The following HYI variants were observed in gnomAD, a reference collection of about 807,000 sequenced individuals.
HYI encodes putative hydroxypyruvate isomerase.
Under a neutral mutation model 39.7 loss-of-function variants are expected in HYI, and 47 were observed. The observed-to-expected ratio is 1.18, with a 90% CI of 0.94 to 1.51. The LOEUF (loss-of-function observed/expected upper bound fraction) is 1.51, where lower values mean the gene tolerates loss of function less well. Among genes scored for constraint, HYI ranks in the 40% most tolerant of loss-of-function variants. The pLI is 0.00. For missense variants in HYI, 465 were observed against 370.3 expected, an observed-to-expected ratio of 1.26 and a Z score of -2.10; for synonymous variants, 186 against 158.8, an observed-to-expected ratio of 1.17 and a Z score of -1.29.
rs1656421612 is a variant in HYI, at chr1:43,451,548, G to A, written c.626-4C>T. ...ACCTGTGCCACCTGCACATGCCCTG[G>A]GGACAGATGTGGACAAATGTGGGGT... is the stretch of plus-strand genomic sequence containing the variant. On this transcript the variant is annotated splice_region_variant and splice_polypyrimidine_tract_variant and intron_variant, in intron 6 of 7. Coordinates refer to ENST00000372430, the MANE Select transcript of HYI (RefSeq NM_001190880.3). 1 of 1,613,848 alleles carries A rather than the reference G, an allele frequency of 6.2e-7. No homozygotes were observed. Among genetic ancestry groups the A allele is most frequent in the Admixed American group, 1.7e-5 (1 of 60,014 alleles).
chr1:43,453,146 C>T, intron 2 of HYI: 1 of 674,240 alleles, frequency 1.5e-6, no homozygotes, highest in Admixed American at 2.2e-5. Flanking sequence ...TCCTATCTGC[C>T]TAGGCAGACT....
rs934006314 is a variant in HYI, at chr1:43,453,524, C to G, written c.200-27G>C. 3.3e-6 allele frequency: 5 copies of G among 1,533,066 alleles called. No homozygotes were observed. The Admixed American group carries it at 6.0e-5, about 18-fold the overall frequency. 95.0% of individuals were successfully genotyped at this position (1,533,066 alleles called of 1,614,324 possible). ...TGCAGAGAGAACGGGCCTCAGCCCCCGGCTCGGACACTCCCCTGCCCGCGC... is the reference window on the plus strand; with the variant it reads ...TGCAGAGAGAACGGGCCTCAGCCCCGGGCTCGGACACTCCCCTGCCCGCGC... On this transcript the variant is annotated intron_variant, in intron 1 of 7. Coordinates refer to ENST00000372430, the MANE Select transcript of HYI (RefSeq NM_001190880.3).
rs1553158727 is a variant in HYI at position 43,453,834 on chromosome 1, A to AGGCAGCG, written c.-42_-41insCGCTGCC. The AGGCAGCG allele has an allele frequency of 1.7e-6, 2 of 1,194,100 alleles. No homozygotes were observed. Among genetic ancestry groups the AGGCAGCG allele is most frequent in the African/African-American group, 3.2e-5 (2 of 61,862 alleles). The allele number at this position is 1,194,100 out of a possible 1,614,324, so 74.0% of individuals were successfully genotyped here. On this transcript the variant is annotated 5_prime_UTR_variant, in exon 1 of 8. Coordinates refer to ENST00000372430, the MANE Select transcript of HYI (RefSeq NM_001190880.3). Reference sequence around the variant, plus strand: ...GCCGGGCGGAGTCCGCGGGATCCAAAGGCGGCGGGCGGCGGGCGGCGGGCG... The same window carrying AGGCAGCG: ...GCCGGGCGGAGTCCGCGGGATCCAAAGGCAGCGGGCGGCGGGCGGCGGGCGGCGGGCG...
rs1301812579 is a variant in HYI at position 43,451,980 on chromosome 1, T to C, written c.460A>G (p.Thr154Ala). 1 of 1,610,916 alleles carries C rather than the reference T, an allele frequency of 6.2e-7. No homozygotes were observed. The highest frequency in any genetic ancestry group is 8.5e-7 in the Non-Finnish European group (1 of 1,178,012). The change falls in exon 4 of 8, where the codon ACC (threonine) becomes GCC (alanine). Residue 154 changes from threonine (T) to alanine (A), a missense_variant. Thr to Ala is a moderately conservative substitution (Grantham distance 58). Transcript: ENST00000372430. ...AAGTACTGGGGGTCAGTGATGCGGG[T>C]GTTGATGGGCTCCAGCAGTCCCACG... ...DLVGLLEPINTRITDPQYFLD... is the reference protein window; with the variant it reads ...DLVGLLEPINARITDPQYFLD...
chr1:43,453,434 T>A lies in HYI; in HGVS notation c.263A>T (p.Glu88Val), dbSNP rs1212578801. The A allele has an allele frequency of 3.2e-6, 5 of 1,562,708 alleles. No homozygotes were observed. The highest frequency in any genetic ancestry group is 3.5e-6 in the Non-Finnish European group (4 of 1,152,624). Residue 88 changes from glutamate to valine, a missense_variant, in exon 2 of 8, where the codon GAG becomes GTG. Coordinates refer to ENST00000372430, the MANE Select transcript of HYI (RefSeq NM_001190880.3). The part of the protein sequence containing the change: ...AVPGRQAAFR[E>V]GLEQAVRYAK... ...ATACCGCACGGCCTGCTCCAGTCCC[T>A]CTCGGAAGGCCGCCTGTCTCCCGGG...
chr1:43,450,868 C>T (rs2153937539), downstream of HYI: 1 of 722,976 alleles, frequency 1.4e-6, no homozygotes, highest in Non-Finnish European at 2.6e-6. This position sits in a 1 kb window ranked among gnomAD's most constrained non-coding sequence, Gnocchi z 4.3. Context: ...ACCTGTGTCC[C>T]TTGAGCCTTC....
chr1:43,451,644 T>C lies in HYI; in HGVS notation c.625+4A>G, dbSNP rs370424674. On this transcript the variant is annotated splice_donor_region_variant and intron_variant, in intron 6 of 7. Transcript: ENST00000372430. ...GGTGGGAGGGCAAAGGAAGGTCCTC[T>C]CACCAACAATGGGCAGGAACTCCCG... 8.1e-6 allele frequency: 13 copies of C among 1,613,962 alleles called. No individual in the cohort carries two copies. The highest frequency in any genetic ancestry group is 1.7e-5 in the Admixed American group (1 of 60,006).
chr1:43,450,795 G>A (rs1360633818), downstream of HYI: 2 of 708,096 alleles, frequency 2.8e-6, no homozygotes, highest in Non-Finnish European at 2.6e-6. The surrounding 1 kb of genome is among the most constrained non-coding windows in gnomAD (Gnocchi z 4.3). Context: ...ACACAGGGTG[G>A]CAAACACCCC....
intron 2 of HYI, chr1:43,452,775 T>C: frequency 1.1e-6 from 1 of 946,612 alleles, no homozygotes; most frequent in Non-Finnish European, 1.6e-6. Context: ...CTGTTTGGCC[T>C]CTGCAGGATT....
In HYI at chr1:43,453,734, G is replaced by A; in HGVS notation, c.60C>T (p.Leu20=). Reference sequence around the variant, plus strand: ...TGCCCGCGGCCCGCACCCGCGCGGGGAGGCCGGAGAGCTCGGGGAATAGCC... The same window carrying A: ...TGCCCGCGGCCCGCACCCGCGCGGGAAGGCCGGAGAGCTCGGGGAATAGCC... The part of the protein sequence containing the change: ...LSWLFPELSG[L]PARVRAAGSS... The change falls in exon 1 of 8, where the codon CTC becomes CTT. Residue 20 remains leucine, a synonymous_variant. Coordinates refer to ENST00000372430, the MANE Select transcript of HYI (RefSeq NM_001190880.3). The A allele has an allele frequency of 7.2e-7, 1 of 1,387,486 alleles. No individual in the cohort carries two copies. The highest frequency in any genetic ancestry group is 9.2e-7 in the Non-Finnish European group (1 of 1,082,462). 85.9% of individuals were successfully genotyped at this position (1,387,486 alleles called of 1,614,324 possible).
At chr1:43,453,082 C>A in intron 2 of HYI, 8 of 852,812 alleles carry the variant, frequency 9.4e-6, no homozygotes, top group Non-Finnish European at 1.4e-5. Context: ...ACCCTGCTCC[C>A]ACAGCTTCCT....
In HYI at chr1:43,453,795, C is replaced by T. The variant is rs1408388433; in HGVS notation, c.-2G>A. ...GGCGGAGAAGCGCAGCGGCGCCATG[C>T]CTGGGGAGGCCGGGCCGGGCGGAGT... On this transcript the variant is annotated 5_prime_UTR_variant, in exon 1 of 8. Transcript: ENST00000372430. 1 of 1,266,454 alleles carries T rather than the reference C, an allele frequency of 7.9e-7. No homozygotes were observed. The highest frequency in any genetic ancestry group is 9.9e-7 in the Non-Finnish European group (1 of 1,009,022). 78.5% of individuals were successfully genotyped at this position (1,266,454 alleles called of 1,614,324 possible). A position where few individuals can be genotyped will look rare whatever the true frequency, so the allele number is the denominator to read the frequency against.
Position 43,451,650 on chromosome 1 carries a change from A to T in HYI, c.623T>A (p.Val208Asp), listed in dbSNP as rs746943963. The T allele has an allele frequency of 3.7e-6, 6 of 1,614,070 alleles. No individual in the cohort carries two copies. In the African/African-American group the frequency reaches 6.7e-5, roughly 18 times the overall value. ...TGNIREFLPI[V>D]GHVQVAQVPG... ...AGGGCAAAGGAAGGTCCTCTCACCAACAATGGGCAGGAACTCCCGGATGTT... is the reference window on the plus strand; with the variant it reads ...AGGGCAAAGGAAGGTCCTCTCACCATCAATGGGCAGGAACTCCCGGATGTT... The change falls in exon 6 of 8, where the codon GTT becomes GAT. Residue 208 changes from valine (V) to aspartate (D), a missense_variant and splice_region_variant. By Grantham distance (152) the Val-to-Asp change is radical. Transcript: ENST00000372430.
chr1:43,450,957 C>G (rs774836644), downstream of HYI: 1 of 761,302 alleles, frequency 1.3e-6, no homozygotes, highest in South Asian at 1.4e-5. The surrounding 1 kb of genome is among the most constrained non-coding windows in gnomAD (Gnocchi z 4.3). Flanking sequence ...CCAGCTCTGC[C>G]TTTGAAGCAC....
At chr1:43,450,648 G>A, downstream of HYI, 1 of 1,093,168 alleles carries the variant, frequency 9.1e-7, no homozygotes, top group Non-Finnish European at 1.3e-6. This position sits in a 1 kb window ranked among gnomAD's most constrained non-coding sequence, Gnocchi z 4.3. Flanking sequence ...CCCCAGCCTG[G>A]CAGCAGGAAC....
chr1:43,451,425 C>CA lies in HYI; in HGVS notation c.744dup (p.Glu249Ter). ...CACGCCTCACCTCGAGGCTGATACT[C>CA]ACAGCCCACGAAGCCTTTGTAGCCT... is the stretch of plus-strand genomic sequence containing the variant. On this transcript the variant is annotated frameshift_variant, in exon 7 of 8. Coordinates refer to ENST00000372430, the MANE Select transcript of HYI (RefSeq NM_001190880.3). LOFTEE classifies it high-confidence loss of function. The CA allele has an allele frequency of 6.2e-7, 1 of 1,613,216 alleles. No homozygotes were observed.
chr1:43,451,480 G>A lies in HYI; in HGVS notation c.690C>T (p.Phe230=). The change falls in exon 7 of 8, where the codon TTC becomes TTT. Residue 230 remains phenylalanine, a synonymous_variant. Transcript: ENST00000372430. ...CTTCCAGCAGTTGAAACAGATAGGG[G>A]AAATTCAGCTCTCCGGGGCTGCTGG... ...GEPSSPGELN[F]PYLFQLLEDE... 6.2e-7 allele frequency: 1 copy of A among 1,614,126 alleles called. No homozygotes were observed. The highest frequency in any genetic ancestry group is 8.5e-7 in the Non-Finnish European group (1 of 1,180,032).
chr1:43,452,757 T>A, intron 2 of HYI: 1 of 790,468 alleles, frequency 1.3e-6, no homozygotes, highest in Non-Finnish European at 2.1e-6. Context: ...TGCCAGTTCC[T>A]TCTGAGCCTG....
At chr1:43,452,165 CAG>C in intron 3 of HYI, 38 bp downstream of exon 3, 1 of 1,560,642 alleles carries the variant, frequency 6.4e-7, no homozygotes. Flanking sequence ...CGCACACCCA[CAG>C]AGACATGTAA....
Sources: gnomAD v4.1 joint callset for allele counts on GRCh38, gnomAD v4.1.1 for gene constraint, Gnocchi (gnomAD v3.1) non-coding constraint, MANE v1.5 for transcripts, NCBI Gene and HGNC (gene_info 2026-07-23, HGNC 2026-07-21) for gene names.